ELMO1: variants seen among roughly 807,000 people sequenced by gnomAD.
ELMO1 encodes engulfment and cell motility protein 1.
In ELMO1, 26 loss-of-function variants were observed where a neutral mutation model predicts 98.9. The observed-to-expected ratio is 0.26, with a 90% confidence interval of 0.19 to 0.36. ELMO1 has a LOEUF of 0.36. ELMO1 is among the 10% of genes least tolerant of loss of function. The pLI, the probability that ELMO1 is intolerant of heterozygous loss-of-function variation, is 1.00. For synonymous variants in ELMO1, 346 were observed against 346.0 expected, an observed-to-expected ratio of 1.00 and a Z score of 0.00; for missense variants, 627 against 935.2, an observed-to-expected ratio of 0.67 and a Z score of 4.30.
At chr7:37,396,009 T>C (rs1803286664) in intron 1 of ELMO1, among the ~76,000 whole-genome samples, 1 of 152,102 alleles carries the variant, frequency 6.6e-6, no homozygotes, top group Admixed American at 6.5e-5. Flanking sequence ...GTGCACCTTA[T>C]TGAGTCATCC....
intron 15 of ELMO1, among the ~76,000 whole-genome samples, chr7:37,070,475 A>G (rs1323944363): frequency 6.6e-6 from 1 of 152,144 alleles, no homozygotes; most frequent in Non-Finnish European, 1.5e-5. Flanking sequence ...CCCTTTCTTG[A>G]TTTCCGTTGG....
intron 1 of ELMO1, among the ~76,000 whole-genome samples, chr7:37,363,652 C>T (rs2131334403): frequency 6.6e-6 from 1 of 152,314 alleles, no homozygotes; most frequent in Middle Eastern, 3.4e-3. Flanking sequence ...TGAAATCACT[C>T]TAAAGCACAC....
At chr7:37,279,362 G>A (rs1797021496) in intron 4 of ELMO1, among the ~76,000 whole-genome samples, 2 of 152,134 alleles carry the variant, frequency 1.3e-5, no homozygotes, top group African/African-American at 4.8e-5. Context: ...TTGCAGCTCC[G>A]GACAGAGTAG....
At chr7:37,005,597 C>T (rs1265828947) in intron 16 of ELMO1, among the ~76,000 whole-genome samples, 3 of 145,278 alleles carry the variant, frequency 2.1e-5, no homozygotes, top group Non-Finnish European at 3.0e-5. Context: ...GAGGCTGAGG[C>T]AGGAGAATCA....
chr7:37,155,188 G>A (rs1358884436), intron 13 of ELMO1, among the ~76,000 whole-genome samples: 1 of 152,160 alleles, frequency 6.6e-6, no homozygotes, highest in Non-Finnish European at 1.5e-5. Context: ...CAACTGATAT[G>A]AGCCACTGCT....
chr7:37,293,408 G>T (rs191983552), intron 4 of ELMO1, among the ~76,000 whole-genome samples: 5 of 88,024 alleles, frequency 5.7e-5, no homozygotes, highest in African/African-American at 9.7e-5. Context: ...CCTGTTGATC[G>T]GTGACCTTAC....
chr7:37,095,353 T>A (rs1030567579), intron 15 of ELMO1, among the ~76,000 whole-genome samples: 1 of 152,214 alleles, frequency 6.6e-6, no homozygotes, highest in Non-Finnish European at 1.5e-5. Context: ...GAGTAAACAG[T>A]AAGCAATACT....
At chr7:37,440,650 T>G (rs1805375500) in intron 1 of ELMO1, among the ~76,000 whole-genome samples, 1 of 151,428 alleles carries the variant, frequency 6.6e-6, no homozygotes, top group African/African-American at 2.4e-5. Flanking sequence ...GCATCTGTAA[T>G]CTCAGTTACT....
chr7:37,265,680 C>T (rs758277614), intron 5 of ELMO1, among the ~76,000 whole-genome samples: 4 of 152,052 alleles, frequency 2.6e-5, no homozygotes, highest in Admixed American at 6.6e-5. Context: ...CTAAGTACTA[C>T]TCCCTCCTCC....
intron 16 of ELMO1, among the ~76,000 whole-genome samples, chr7:36,942,088 C>G (rs1182782260): frequency 6.6e-6 from 1 of 152,164 alleles, no homozygotes; most frequent in Non-Finnish European, 1.5e-5. Flanking sequence ...TACATAAAAC[C>G]AATGGACTAT....
At chr7:37,159,110 C>G (rs1789009462) in intron 13 of ELMO1, among the ~76,000 whole-genome samples, 1 of 152,114 alleles carries the variant, frequency 6.6e-6, no homozygotes, top group Non-Finnish European at 1.5e-5. Context: ...ACAATGAGAA[C>G]ACATGCACAC....
At chr7:37,424,974 C>T (rs1804641690) in intron 1 of ELMO1, among the ~76,000 whole-genome samples, 1 of 151,990 alleles carries the variant, frequency 6.6e-6, no homozygotes, top group Non-Finnish European at 1.5e-5. Flanking sequence ...TTATCACTGC[C>T]TCATACTAGA....
At position 36,954,429 on chromosome 7, in the gene ELMO1, AG is replaced by A. The variant is rs1264809212; in HGVS notation, c.1437+58869del. Among the ~76,000 whole-genome samples, 13 of 152,282 alleles carry A rather than the reference AG, an allele frequency of 8.5e-5. No individual in the cohort carries two copies. In the East Asian group the frequency reaches 2.3e-3, roughly 27 times the overall value. On this transcript the variant is annotated intron_variant, in intron 16 of 21. Transcript: ENST00000310758. ...AAGGCTGTCAGCCTGATTCCCACCC[AG>A]GGGCACTGCTGACAAATGAATGGTC...
chr7:37,306,849 TA>T lies in ELMO1; in HGVS notation c.192+8000del, dbSNP rs35597257. Among the ~76,000 whole-genome samples the T allele has an allele frequency of 7.4e-4, 112 of 151,404 alleles. 3 individuals carry two copies. In the East Asian group the frequency reaches 0.021, roughly 28 times the overall value. On this transcript the variant is annotated intron_variant, in intron 4 of 21. Transcript: ENST00000310758. ...ATAAATCTTACCTCAATTATGATGT[TA>T]AAAAAAAAGAAGAGTTCATATCCTA...
At chr7:37,089,555 G>A (rs894381651) in intron 15 of ELMO1, among the ~76,000 whole-genome samples, 1 of 152,170 alleles carries the variant, frequency 6.6e-6, no homozygotes, top group Admixed American at 6.5e-5. Context: ...GGACAGTAAT[G>A]CAGTGGAGCC....
At chr7:37,430,721 G>A (rs968401414) in intron 1 of ELMO1, among the ~76,000 whole-genome samples, 19 of 152,188 alleles carry the variant, frequency 1.2e-4, no homozygotes, top group East Asian at 3.9e-4. Flanking sequence ...ACTGTATGCC[G>A]GCCGAGGCCA....
chr7:36,917,522 A>C (rs1026555314), intron 16 of ELMO1, among the ~76,000 whole-genome samples: 3 of 152,206 alleles, frequency 2.0e-5, no homozygotes, highest in African/African-American at 7.2e-5. Context: ...ATGGGTAAAA[A>C]GTATGTGAAA....
intron 1 of ELMO1, among the ~76,000 whole-genome samples, chr7:37,348,586 G>A (rs115374934): frequency 2.8e-4 from 43 of 152,228 alleles, no homozygotes; most frequent in African/African-American, 9.9e-4. Flanking sequence ...GTTAGGTACT[G>A]AAGTCTGTAT....
chr7:37,108,304 G>C (rs1785051866), intron 14 of ELMO1, among the ~76,000 whole-genome samples: 1 of 152,066 alleles, frequency 6.6e-6, no homozygotes, highest in African/African-American at 2.4e-5. Flanking sequence ...CCCTCCTAGG[G>C]AAACTGCCTC....
Sources: gnomAD v4.1 joint callset for allele counts (sites outside exome capture counted in the v4.1 genomes callset) on GRCh38, gnomAD v4.1.1 for gene constraint, MANE v1.5 for transcripts, NCBI Gene and HGNC (gene_info 2026-07-23, HGNC 2026-07-21) for gene names.